The following MGAT4C variants were observed in gnomAD, a reference collection of about 807,000 sequenced individuals.
MGAT4C encodes the protein MGAT4 family member C.
MGAT4C carries 19 observed loss-of-function variants against 40.1 expected under a neutral mutation model. The observed-to-expected ratio is 0.47, with a 90% CI of 0.33 to 0.70. MGAT4C has a LOEUF of 0.70. Ranked by LOEUF, MGAT4C falls within the 30% of genes least tolerant of loss-of-function variation. MGAT4C has a pLI of 0.02. For synonymous variants in MGAT4C, 181 were observed against 187.1 expected (o/e 0.97, Z 0.27); for missense variants, 491 against 563.2 (o/e 0.87, Z 1.30).
rs971942124 is a variant in MGAT4C at position 86,308,891 on chromosome 12, G to A, written c.-57+25174C>T. On this transcript the variant is annotated intron_variant, in intron 4 of 7. Transcript: ENST00000548651. ...TTTTTTAAAAAAGAAGATTTTGGGA[G>A]AAGGGACTTGTCTGAAGTCACCAGT... 1.1e-4 allele frequency among the ~76,000 whole-genome samples: 16 copies of A among 150,604 alleles called. 2 individuals are homozygous for A. The highest frequency in any genetic ancestry group is 4.0e-4 in the African/African-American group (16 of 40,038).
At chr12:85,982,658 G>C (rs1592600761) in intron 4 of MGAT4C, among the ~76,000 whole-genome samples, 2 of 152,154 alleles carry the variant, frequency 1.3e-5, no homozygotes, top group East Asian at 3.9e-4. Flanking sequence ...GTTACTTCTT[G>C]GCTCCAAATA....
intron 4 of MGAT4C, among the ~76,000 whole-genome samples, chr12:86,318,941 C>A (rs1304430037): frequency 6.6e-6 from 1 of 152,102 alleles, no homozygotes; most frequent in Non-Finnish European, 1.5e-5. Context: ...TGTTAGTGAT[C>A]AAGACATGTT....
At chr12:86,642,923 A>T (rs1238611375) in intron 2 of MGAT4C, among the ~76,000 whole-genome samples, 1 of 151,716 alleles carries the variant, frequency 6.6e-6, no homozygotes, top group Non-Finnish European at 1.5e-5. Flanking sequence ...GATTTCGGGG[A>T]TGTAAAATGA....
At chr12:86,044,079 T>C (rs1892152415) in intron 2 of MGAT4C, among the ~76,000 whole-genome samples, 1 of 152,274 alleles carries the variant, frequency 6.6e-6, no homozygotes, top group South Asian at 2.1e-4. Flanking sequence ...CCCTTAAGGG[T>C]TTGATTGTGG....
chr12:86,190,440 C>T (rs959436964), intron 1 of MGAT4C, among the ~76,000 whole-genome samples: 1 of 152,026 alleles, frequency 6.6e-6, no homozygotes, highest in South Asian at 2.1e-4. Context: ...CATTAATGAA[C>T]AAATTTTCAC....
chr12:86,602,325 C>T (rs968322322), intron 2 of MGAT4C, among the ~76,000 whole-genome samples: 7 of 152,124 alleles, frequency 4.6e-5, no homozygotes, highest in African/African-American at 1.7e-4. Context: ...CCTAAGGATC[C>T]TGTGACAATA....
intron 4 of MGAT4C, among the ~76,000 whole-genome samples, chr12:86,307,222 T>A (rs908351615): frequency 4.0e-5 from 6 of 150,430 alleles, no homozygotes; most frequent in Non-Finnish European, 7.4e-5. Flanking sequence ...ATAACTGTAT[T>A]AGATTTGTCT....
At chr12:86,733,761 C>T (rs982159948) in intron 1 of MGAT4C, among the ~76,000 whole-genome samples, 2 of 152,032 alleles carry the variant, frequency 1.3e-5, no homozygotes, top group Admixed American at 1.3e-4. Flanking sequence ...TTTGATTTAA[C>T]TGAATTAAAA....
chr12:85,979,460 T>TAC lies in MGAT4C; in HGVS notation c.1265_1266insGT (p.Arg423Ter). ...TTAAGTAAGTAGAACATTGTCTCCT[T>TAC]TGTTTGCTAGGCATAACGTTTTCCC... On this transcript the variant is annotated frameshift_variant, in exon 5 of 5. Coordinates refer to ENST00000611864, the MANE Select transcript of MGAT4C (RefSeq NM_001351288.2). LOFTEE classifies it high-confidence loss of function. 6.2e-7 allele frequency: 1 copy of TAC among 1,613,534 alleles called. No homozygotes were observed. Among genetic ancestry groups the TAC allele is most frequent in the Non-Finnish European group, 8.5e-7 (1 of 1,179,624 alleles).
chr12:86,396,330 C>T, intron 3 of MGAT4C, among the ~76,000 whole-genome samples: 1 of 151,900 alleles, frequency 6.6e-6, no homozygotes, highest in East Asian at 1.9e-4. Flanking sequence ...ATGTGAGAAC[C>T]TTAAAAAATA....
intron 2 of MGAT4C, among the ~76,000 whole-genome samples, chr12:86,444,320 CT>C (rs1235684379): frequency 2.0e-5 from 3 of 152,092 alleles, no homozygotes; most frequent in Non-Finnish European, 2.9e-5. Context: ...GCTTCTTTTC[CT>C]CTGAATAATA....
intron 1 of MGAT4C, among the ~76,000 whole-genome samples, chr12:86,207,111 CTTTT>C (rs61602141): frequency 6.8e-6 from 1 of 148,108 alleles, no homozygotes. Context: ...CCTTTTTTTT[CTTTT>C]TTTTTTTTTA....
At chr12:86,073,694 C>T (rs1032544114) in intron 1 of MGAT4C, among the ~76,000 whole-genome samples, 2 of 152,072 alleles carry the variant, frequency 1.3e-5, no homozygotes, top group African/African-American at 4.8e-5. Context: ...TTTGTTTTGG[C>T]CAATTTCACC....
chr12:86,603,554 A>C (rs867785608), intron 2 of MGAT4C, among the ~76,000 whole-genome samples: 3,273 of 106,698 alleles, frequency 0.031, 148 homozygotes, highest in Non-Finnish European at 0.04. Flanking sequence ...TATAGATAAT[A>C]TATAGTCTAT....
At chr12:86,560,397 T>C (rs1156563071) in intron 2 of MGAT4C, among the ~76,000 whole-genome samples, 2 of 151,920 alleles carry the variant, frequency 1.3e-5, no homozygotes, top group East Asian at 1.9e-4. Flanking sequence ...AACAAAATAC[T>C]AGCAAGTTTA....
chr12:86,697,269 TCA>T (rs746374520), intron 2 of MGAT4C, among the ~76,000 whole-genome samples: 7 of 152,238 alleles, frequency 4.6e-5, no homozygotes, highest in Admixed American at 2.6e-4. Flanking sequence ...TCTCATAAAC[TCA>T]CACAGTTGCT....
At chr12:86,838,171 TTTAAA>T (rs1486557398) in intron 1 of MGAT4C, among the ~76,000 whole-genome samples, 5 of 152,210 alleles carry the variant, frequency 3.3e-5, no homozygotes, top group Admixed American at 1.3e-4. Flanking sequence ...CTGAAGTTTC[TTTAAA>T]TTAAATACTT....
intron 3 of MGAT4C, among the ~76,000 whole-genome samples, chr12:86,410,683 A>T (rs1425607966): frequency 3.9e-5 from 6 of 152,234 alleles, no homozygotes; most frequent in Non-Finnish European, 5.9e-5. Context: ...ATTAAAGTAA[A>T]GACAGGCATA....
chr12:86,787,649 G>A (rs138656021), intron 1 of MGAT4C, among the ~76,000 whole-genome samples: 1 of 152,124 alleles, frequency 6.6e-6, no homozygotes, highest in Admixed American at 6.6e-5. Context: ...GTGGAGAAAA[G>A]GGATTGGTCA....
Sources: allele counts gnomAD v4.1 joint callset (sites outside exome capture counted in the v4.1 genomes callset), GRCh38; gene constraint gnomAD v4.1.1; transcripts MANE v1.5; gene names NCBI Gene and HGNC (gene_info 2026-07-23, HGNC 2026-07-21).